Variants in TESMIN observed in about 807,000 individuals in gnomAD.
TESMIN encodes testis expressed metallothionein like protein.
Under a neutral mutation model 47.4 loss-of-function variants are expected in TESMIN, and 34 were observed. The observed-to-expected ratio is 0.72, with a 90% CI of 0.55 to 0.96. The LOEUF (loss-of-function observed/expected upper bound fraction) is 0.96, where lower values mean the gene tolerates loss of function less well. TESMIN is among the 40% of genes least tolerant of loss of function. The probability of loss-of-function intolerance (pLI) is 0.00; values close to 1 mark genes in which losing one functional copy is unlikely to be tolerated. For synonymous variants in TESMIN, 278 were observed against 258.9 expected (o/e 1.07, Z -0.71); for missense variants, 610 against 637.2 (o/e 0.96, Z 0.46).
At chr11:68,732,028 A>G (rs1245938424) in intron 6 of TESMIN, among the ~76,000 whole-genome samples, 6 of 152,220 alleles carry the variant, frequency 3.9e-5, no homozygotes, top group African/African-American at 1.4e-4. Flanking sequence ...CTAGGAAGCT[A>G]AGTCAATGGC....
Position 68,738,685 on chromosome 11 carries a change from G to T in TESMIN, c.917+15C>A, listed in dbSNP as rs1399818092. ...TATTACATTAGAGTGACAATGTATT[G>T]CTTCTAATCCTTACCCAGCCAAAGT... On this transcript the variant is annotated intron_variant, in intron 6 of 9. Transcript: ENST00000255087. The T allele has an allele frequency of 4.3e-6, 7 of 1,613,398 alleles. No homozygotes were observed.
At chr11:68,735,403 G>A (rs1016077509) in intron 6 of TESMIN, among the ~76,000 whole-genome samples, 1 of 152,218 alleles carries the variant, frequency 6.6e-6, no homozygotes, top group Non-Finnish European at 1.5e-5. Context: ...GGGACCCACT[G>A]TAACTGTGGA....
chr11:68,727,008 G>C (rs1334794323), intron 6 of TESMIN, among the ~76,000 whole-genome samples: 3 of 151,756 alleles, frequency 2.0e-5, no homozygotes, highest in Non-Finnish European at 4.4e-5. Context: ...ATTGAGCTAT[G>C]ATCATACCAC....
At chr11:68,730,209 C>T (rs1396905103) in intron 6 of TESMIN, among the ~76,000 whole-genome samples, 3 of 152,214 alleles carry the variant, frequency 2.0e-5, no homozygotes, top group Admixed American at 6.5e-5. Flanking sequence ...ATAAACATAA[C>T]TTCTACATGC....
intron 4 of TESMIN, among the ~76,000 whole-genome samples, chr11:68,742,879 TTC>T (rs1946474065): frequency 6.6e-6 from 1 of 152,120 alleles, no homozygotes; most frequent in South Asian, 2.1e-4. Flanking sequence ...TTTTTTTTTT[TTC>T]TTTTTGCTTT....
intron 3 of TESMIN, 38 bp from the exon 4 acceptor site, chr11:68,745,149 A>G: frequency 6.4e-7 from 1 of 1,562,548 alleles, no homozygotes; most frequent in South Asian, 1.2e-5. Flanking sequence ...CATTTTTGAA[A>G]CATAATTCCA....
chr11:68,750,313 C>A lies in TESMIN; in HGVS notation c.348G>T (p.Gln116His). 1 of 1,517,320 alleles carries A rather than the reference C, an allele frequency of 6.6e-7. No individual in the cohort carries two copies. The allele number at this position is 1,517,320 out of a possible 1,614,324, so 94.0% of individuals were successfully genotyped here. The change falls in exon 2 of 10, where the codon CAG (glutamine) becomes CAT (histidine). Residue 116 changes from glutamine (Q) to histidine (H), a missense_variant. Coordinates refer to ENST00000255087, the MANE Select transcript of TESMIN (RefSeq NM_004923.3). ...GGAAGTGCACGTTGCAGGCGGGCGG[C>A]TGCGGGGCCTGCAGGAGCGCGACGT... ...LEDVALLQAP[Q>H]PPACNVHFLS... is the part of the protein sequence containing the mutation.
chr11:68,728,687 T>C (rs1284948183), intron 6 of TESMIN, among the ~76,000 whole-genome samples: 1 of 152,230 alleles, frequency 6.6e-6, no homozygotes, highest in Admixed American at 6.5e-5. Flanking sequence ...CTGGCTCTCT[T>C]ATTGGGATAT....
At chr11:68,733,621 A>G (rs1946354408) in intron 6 of TESMIN, 1 of 152,208 alleles carries the variant, frequency 6.6e-6, no homozygotes, top group Non-Finnish European at 1.5e-5. Flanking sequence ...ACCTTATTTC[A>G]TATTTAATAA....
intron 6 of TESMIN, among the ~76,000 whole-genome samples, chr11:68,724,518 C>G (rs956504272): frequency 1.3e-5 from 2 of 152,176 alleles, no homozygotes; most frequent in African/African-American, 4.8e-5. Context: ...TCCCAGCTTC[C>G]TATTTAGTTG....
intron 9 of TESMIN, among the ~76,000 whole-genome samples, 200 bp from the exon 10 acceptor site, chr11:68,708,700 G>T (rs1476927044): frequency 2.0e-5 from 3 of 151,936 alleles, no homozygotes; most frequent in African/African-American, 7.3e-5. Context: ...GGAGGCCAAG[G>T]CAGGAGGATG....
intron 7 of TESMIN, among the ~76,000 whole-genome samples, chr11:68,714,727 T>C (rs193052665): frequency 2.2e-3 from 331 of 152,344 alleles, no homozygotes; most frequent in Admixed American, 3.1e-3. Context: ...AACATTCCCG[T>C]ACAAATCTCC....
At chr11:68,746,842 C>A (rs1441701999) in intron 3 of TESMIN, among the ~76,000 whole-genome samples, 1 of 152,110 alleles carries the variant, frequency 6.6e-6, no homozygotes, top group Admixed American at 6.5e-5. Flanking sequence ...GATTGGGACA[C>A]GAAGGAAGCA....
intron 6 of TESMIN, among the ~76,000 whole-genome samples, chr11:68,716,409 G>T (rs1387260052): frequency 1.3e-5 from 2 of 152,248 alleles, no homozygotes; most frequent in Non-Finnish European, 2.9e-5. Flanking sequence ...CCCAGAGGTG[G>T]AACCTGGCCT....
chr11:68,749,189 TG>T (rs1373898692), intron 2 of TESMIN, among the ~76,000 whole-genome samples: 1 of 152,204 alleles, frequency 6.6e-6, no homozygotes, highest in Non-Finnish European at 1.5e-5. Flanking sequence ...GGGAAACGGC[TG>T]GGGGAACTGG....
chr11:68,711,107 A>G, intron 8 of TESMIN, 58 bp from the exon 9 acceptor site: 1 of 1,400,336 alleles, frequency 7.1e-7, no homozygotes, highest in South Asian at 1.3e-5. Flanking sequence ...TCAAAAACTG[A>G]CAAATTCTAT....
chr11:68,720,673 C>A (rs111752425), intron 6 of TESMIN, among the ~76,000 whole-genome samples: 8,506 of 152,338 alleles, frequency 0.056, 362 homozygotes, highest in Middle Eastern at 0.11. Flanking sequence ...GTGTTACCAT[C>A]TGCCCAGTAA....
intron 3 of TESMIN, among the ~76,000 whole-genome samples, chr11:68,746,772 C>T (rs1422301956): frequency 1.3e-5 from 2 of 152,182 alleles, no homozygotes; most frequent in African/African-American, 4.8e-5. Flanking sequence ...AAAAATATGA[C>T]ATAAACCACA....
intron 3 of TESMIN, among the ~76,000 whole-genome samples, chr11:68,746,029 G>A (rs1446949335): frequency 6.6e-6 from 1 of 152,218 alleles, no homozygotes; most frequent in Non-Finnish European, 1.5e-5. Context: ...GAACCATAAA[G>A]GACCAATGTT....
Sources: allele counts gnomAD v4.1 joint callset (sites outside exome capture counted in the v4.1 genomes callset), GRCh38; gene constraint gnomAD v4.1.1; transcripts MANE v1.5; gene names NCBI Gene and HGNC (gene_info 2026-07-23, HGNC 2026-07-21).